PCSK5: variants seen among roughly 807,000 people sequenced by gnomAD.
PCSK5 encodes the protein proprotein convertase subtilisin/kexin type 5.
PCSK5 carries 129 observed loss-of-function variants against 233.2 expected under a neutral mutation model. That is an observed-to-expected ratio of 0.55 (90% CI 0.48 to 0.64). The LOEUF (loss-of-function observed/expected upper bound fraction) is 0.64. Among genes scored for constraint, PCSK5 ranks in the 30% least tolerant of loss-of-function variants. The probability of loss-of-function intolerance (pLI) is 0.00; values close to 1 mark genes in which losing one functional copy is unlikely to be tolerated. For missense variants in PCSK5, 2,076 were observed against 2,430.1 expected (o/e 0.85, Z 3.06); for synonymous variants, 825 against 879.2 (o/e 0.94, Z 1.09).
At chr9:76,280,007 A>AT (rs1180294537) in intron 24 of PCSK5, among the ~76,000 whole-genome samples, 2 of 152,030 alleles carry the variant, frequency 1.3e-5, no homozygotes, top group African/African-American at 4.8e-5. Context: ...CACATGTTGC[A>AT]TTTTTTACAA....
In PCSK5 at chr9:76,332,476, T is replaced by G. The variant is rs1224252333; in HGVS notation, c.4614T>G (p.Asp1538Glu). The stretch of plus-strand genomic sequence containing the variant: ...ACTGCCCAGAGGGCTATTATGCCGA[T>G]GAGGACAGCAACCGGTGTGCCCACT... ...VKDCPEGYYA[D>E]EDSNRCAHCH... The change falls in exon 34 of 38, where the codon GAT (aspartate) becomes GAG (glutamate). Residue 1538 changes from aspartate (D) to glutamate (E), a missense_variant. Physicochemically the swap from Asp to Glu is conservative, Grantham distance 45. Coordinates refer to ENST00000674117, the MANE Select transcript of PCSK5 (RefSeq NM_001372043.1). The G allele has an allele frequency of 6.2e-7, 1 of 1,612,586 alleles. No homozygotes were observed. Among genetic ancestry groups the G allele is most frequent in the Admixed American group, 1.7e-5 (1 of 59,982 alleles).
rs992840947 is a variant in PCSK5, at chr9:76,358,614, G to C, written c.5356G>C (p.Ala1786Pro). Reference sequence around the variant, plus strand: ...CATGATGCTGGTGCTTCTGCTCGGGGCAGCTGTGGTAGTGTGGAAGAAATC... The same window carrying C: ...CATGATGCTGGTGCTTCTGCTCGGGCCAGCTGTGGTAGTGTGGAAGAAATC... ...SSMMLVLLLG[A>P]AVVVWKKSRG... Residue 1786 changes from alanine (A) to proline (P), a missense_variant, in exon 38 of 38, where the codon GCA becomes CCA. Physicochemically the swap from Ala to Pro is conservative, Grantham distance 27. Coordinates refer to ENST00000674117, the MANE Select transcript of PCSK5 (RefSeq NM_001372043.1). The C allele has an allele frequency of 4.3e-6, 7 of 1,612,792 alleles. No individual in the cohort carries two copies. The highest frequency in any genetic ancestry group is 1.7e-5 in the Admixed American group (1 of 60,004).
chr9:75,925,005 C>G (rs933081853), intron 1 of PCSK5, among the ~76,000 whole-genome samples: 1 of 152,150 alleles, frequency 6.6e-6, no homozygotes, highest in Admixed American at 6.6e-5. Flanking sequence ...TAATGGCTGG[C>G]TTGTACTCCA....
At chr9:76,135,839 G>A (rs910551892) in intron 10 of PCSK5, among the ~76,000 whole-genome samples, 4 of 151,970 alleles carry the variant, frequency 2.6e-5, no homozygotes, top group Non-Finnish European at 4.4e-5. Flanking sequence ...ACTTTAACCC[G>A]AATAAATATC....
At chr9:76,263,511 A>G (rs530165493) in intron 24 of PCSK5, among the ~76,000 whole-genome samples, 1 of 152,298 alleles carries the variant, frequency 6.6e-6, no homozygotes, top group East Asian at 1.9e-4. Flanking sequence ...CATCATTCTC[A>G]GTAAACTATC....
At chr9:76,004,313 G>A (rs73452503) in intron 3 of PCSK5, among the ~76,000 whole-genome samples, 2,184 of 152,080 alleles carry the variant, frequency 0.014, 53 homozygotes, top group African/African-American at 0.05. Flanking sequence ...ATCTACCTAG[G>A]GTAAGACTGC....
chr9:75,945,414 AT>A (rs1824521407), intron 2 of PCSK5, among the ~76,000 whole-genome samples: 1 of 151,938 alleles, frequency 6.6e-6, no homozygotes, highest in Non-Finnish European at 1.5e-5. Context: ...ACTAACATTT[AT>A]CTTGCAGCTA....
chr9:75,929,441 A>G (rs1284571130), intron 1 of PCSK5, among the ~76,000 whole-genome samples: 2 of 150,976 alleles, frequency 1.3e-5, no homozygotes, highest in East Asian at 3.9e-4. Context: ...TTATGATTCT[A>G]TTAATATGAG....
chr9:75,959,840 G>C (rs1825264944), intron 2 of PCSK5, among the ~76,000 whole-genome samples: 2 of 152,228 alleles, frequency 1.3e-5, no homozygotes, highest in Non-Finnish European at 2.9e-5. Flanking sequence ...GGAGAAATAG[G>C]AATGAGTAAG....
intron 9 of PCSK5, among the ~76,000 whole-genome samples, chr9:76,110,402 T>A (rs1005602433): frequency 1.1e-4 from 17 of 152,226 alleles, no homozygotes; most frequent in Admixed American, 1.1e-3. Context: ...ATAGGAACAT[T>A]AGAGAAAACT....
At chr9:76,103,395 C>T (rs1344561326) in intron 8 of PCSK5, among the ~76,000 whole-genome samples, 1 of 152,090 alleles carries the variant, frequency 6.6e-6, no homozygotes, top group Non-Finnish European at 1.5e-5. Flanking sequence ...AAACGGATCA[C>T]TAGATATCAA....
intron 20 of PCSK5, among the ~76,000 whole-genome samples, chr9:76,202,912 A>C (rs1824972458): frequency 6.6e-6 from 1 of 152,214 alleles, no homozygotes; most frequent in Non-Finnish European, 1.5e-5. Context: ...ACCTGGTAAA[A>C]TATCTTGTAG....
chr9:75,977,771 C>CCT (rs1826092069), intron 2 of PCSK5, among the ~76,000 whole-genome samples: 1 of 151,680 alleles, frequency 6.6e-6, no homozygotes, highest in Non-Finnish European at 1.5e-5. Context: ...CCACCACGCA[C>CCT]GGCTAATTTT....
intron 20 of PCSK5, among the ~76,000 whole-genome samples, chr9:76,217,602 G>A (rs1339607292): frequency 1.3e-5 from 2 of 152,222 alleles, no homozygotes; most frequent in Non-Finnish European, 2.9e-5. Context: ...AGGACACCTG[G>A]TTCCAGATAT....
intron 9 of PCSK5, among the ~76,000 whole-genome samples, chr9:76,129,091 G>A (rs1183231129): frequency 6.6e-6 from 1 of 152,130 alleles, no homozygotes; most frequent in African/African-American, 2.4e-5. Flanking sequence ...TGCAATCAGA[G>A]TAATGTTTTT....
At chr9:76,018,075 G>A (rs1302769530) in intron 3 of PCSK5, among the ~76,000 whole-genome samples, 1 of 151,276 alleles carries the variant, frequency 6.6e-6, no homozygotes, top group African/African-American at 2.4e-5. Context: ...CGGAGCCTTC[G>A]GTAGTTCCCA....
intron 8 of PCSK5, among the ~76,000 whole-genome samples, chr9:76,101,785 G>A (rs1831769287): frequency 6.6e-6 from 1 of 152,126 alleles, no homozygotes; most frequent in African/African-American, 2.4e-5. Context: ...TCCATGTGGA[G>A]GAATTATCTT....
At chr9:75,992,485 A>C (rs1177472457) in intron 3 of PCSK5, among the ~76,000 whole-genome samples, 1 of 152,224 alleles carries the variant, frequency 6.6e-6, no homozygotes, top group African/African-American at 2.4e-5. Flanking sequence ...TCATTGCTTA[A>C]GGAAATTGAT....
At chr9:76,082,744 C>T (rs1316392230) in intron 7 of PCSK5, among the ~76,000 whole-genome samples, 2 of 151,698 alleles carry the variant, frequency 1.3e-5, no homozygotes, top group African/African-American at 2.4e-5. Context: ...ACACTTGTTG[C>T]AATCGATATT....
Sources: gnomAD v4.1 joint callset for allele counts (sites outside exome capture counted in the v4.1 genomes callset) on GRCh38, gnomAD v4.1.1 for gene constraint, MANE v1.5 for transcripts, NCBI Gene and HGNC (gene_info 2026-07-23, HGNC 2026-07-21) for gene names.